Variants in ZNF107 observed in about 807,000 individuals in gnomAD.
ZNF107 encodes the protein C2H2 type zinc-finger protein.
A neutral mutation model predicts 12.3 loss-of-function variants in ZNF107; 19 were observed. That is an observed-to-expected ratio of 1.55 (90% CI 1.08 to 2.27). The LOEUF is 2.27. Ranked by LOEUF, ZNF107 falls within the 30% of genes most tolerant of loss-of-function variation. The pLI is 0.00. For missense variants in ZNF107, 958 were observed against 979.9 expected (o/e 0.98, Z 0.30); for synonymous variants, 317 against 330.5 (o/e 0.96, Z 0.44).
intron 1 of ZNF107, chr7:64,686,679 A>G: frequency 1.0e-6 from 1 of 975,740 alleles, no homozygotes. Context: ...AAAACCTGCA[A>G]CAACCAAAAA....
At chr7:64,693,120 T>C (rs1194627443) in intron 3 of ZNF107, among the ~76,000 whole-genome samples, 1 of 151,130 alleles carries the variant, frequency 6.6e-6, no homozygotes, top group Non-Finnish European at 1.5e-5. Context: ...TGCCTCAGCC[T>C]CCTGAGTAGC....
In ZNF107 at chr7:64,707,026, A is replaced by C; in HGVS notation, c.929A>C (p.Glu310Ala). The change falls in exon 4 of 4, where the codon GAG (glutamate) becomes GCG (alanine). Residue 310 changes from glutamate to alanine, a missense_variant. Physicochemically the swap from Glu to Ala is moderately radical, Grantham distance 107. Transcript: ENST00000620827. The stretch of plus-strand genomic sequence containing the variant: ...ACACAAAAGATACTTCACACTGGAG[A>C]GAACCTCTACAAGTGTAAAGAATGT... ...LTTQKILHTG[E>A]NLYKCKECGK... 1.9e-6 allele frequency: 3 copies of C among 1,613,294 alleles called. No individual in the cohort carries two copies. Among genetic ancestry groups the C allele is most frequent in the Non-Finnish European group, 2.5e-6 (3 of 1,179,718 alleles).
rs1319383484 is a variant in ZNF107, at chr7:64,666,151, A to G, written c.-132A>G. On this transcript the variant is annotated 5_prime_UTR_variant, in exon 1 of 4. Coordinates refer to ENST00000620827, the MANE Select transcript of ZNF107 (RefSeq NM_001282359.2). ...TGGCGGGGCCTTTGTCTCTGGCTGC[A>G]GCCGGAGCTCCTGCTCTCCTCCTCA... 5 of 1,268,044 alleles carry G rather than the reference A, an allele frequency of 3.9e-6. No homozygotes were observed. Among genetic ancestry groups the G allele is most frequent in the Non-Finnish European group, 4.5e-6 (4 of 891,602 alleles). The allele number at this position is 1,268,044 out of a possible 1,614,324, so 78.5% of individuals were successfully genotyped here.
intron 3 of ZNF107, among the ~76,000 whole-genome samples, chr7:64,694,804 T>C (rs993529343): frequency 1.3e-5 from 2 of 152,314 alleles, no homozygotes; most frequent in East Asian, 1.9e-4. Flanking sequence ...TATTTTCTAC[T>C]TCAAATTTGT....
At chr7:64,691,215 C>T in intron 1 of ZNF107, 33 bp from the exon 2 acceptor site, 1 of 1,416,886 alleles carries the variant, frequency 7.1e-7, no homozygotes, top group Non-Finnish European at 9.3e-7. Flanking sequence ...CTTATGGCTG[C>T]TTGGTAAATG....
intron 1 of ZNF107, among the ~76,000 whole-genome samples, chr7:64,671,083 A>C (rs1584460733): frequency 6.6e-6 from 1 of 152,114 alleles, no homozygotes; most frequent in South Asian, 2.1e-4. Context: ...GTGCCAAAAG[A>C]AAGATATCAC....
chr7:64,669,662 C>T (rs1214657134), intron 1 of ZNF107, among the ~76,000 whole-genome samples: 2 of 151,968 alleles, frequency 1.3e-5, no homozygotes, highest in Admixed American at 6.6e-5. Context: ...GTGACAGGCA[C>T]CTGTAGTCTT....
intron 3 of ZNF107, among the ~76,000 whole-genome samples, chr7:64,693,037 C>T (rs935305003): frequency 3.3e-5 from 5 of 151,810 alleles, no homozygotes; most frequent in South Asian, 2.1e-4. Context: ...CTTGCTCTGT[C>T]GCCCAGGCTG....
chr7:64,708,105 A>G lies in ZNF107; in HGVS notation c.2008A>G (p.Ile670Val). The change falls in exon 4 of 4, where the codon ATT becomes GTT. Residue 670 changes from isoleucine (I) to valine (V), a missense_variant. Ile to Val is a conservative substitution (Grantham distance 29). Coordinates refer to ENST00000620827, the MANE Select transcript of ZNF107 (RefSeq NM_001282359.2). ...LFSNITNHKI[I>V]YTGEKPHKCE... ...CTCAAACATTACTAACCATAAGATA[A>G]TTTATACTGGAGAGAAACCCCACAA... 1 of 1,613,070 alleles carries G rather than the reference A, an allele frequency of 6.2e-7. No homozygotes were observed. Among genetic ancestry groups the G allele is most frequent in the Non-Finnish European group, 8.5e-7 (1 of 1,179,650 alleles).
Position 64,710,987 on chromosome 7 carries a change from AT to A in ZNF107, c.*2334del, listed in dbSNP as rs1270295659. 2 of 152,146 alleles carry A rather than the reference AT, an allele frequency of 1.3e-5. No individual in the cohort carries two copies. Among genetic ancestry groups the A allele is most frequent in the Admixed American group, 6.5e-5 (1 of 15,274 alleles). 9.4% of individuals were successfully genotyped at this position (152,146 alleles called of 1,614,324 possible). ...TGAATTAGTAGTATATCATTTTACT[AT>A]TTGTACTTTTATGTAATAAAATGCA... On this transcript the variant is annotated 3_prime_UTR_variant, in exon 4 of 4. Transcript: ENST00000620827.
chr7:64,672,655 G>A (rs1286982491), intron 1 of ZNF107, among the ~76,000 whole-genome samples: 1 of 152,196 alleles, frequency 6.6e-6, no homozygotes, highest in Non-Finnish European at 1.5e-5. Flanking sequence ...GAGCCACCGT[G>A]CCCTACCATA....
chr7:64,668,545 C>T (rs1052268241), intron 1 of ZNF107, among the ~76,000 whole-genome samples: 1 of 151,988 alleles, frequency 6.6e-6, no homozygotes, highest in Non-Finnish European at 1.5e-5. Flanking sequence ...AAGATTTGTT[C>T]ACTTATTTTG....
At chr7:64,675,177 A>G (rs1789373344) in intron 1 of ZNF107, among the ~76,000 whole-genome samples, 1 of 152,172 alleles carries the variant, frequency 6.6e-6, no homozygotes, top group African/African-American at 2.4e-5. Context: ...AAGAAATGGT[A>G]CCGGCTCTTC....
intron 1 of ZNF107, among the ~76,000 whole-genome samples, chr7:64,668,462 C>A (rs962976070): frequency 4.0e-5 from 6 of 150,924 alleles, no homozygotes; most frequent in Non-Finnish European, 5.9e-5. Flanking sequence ...CATGTCCCTG[C>A]AAAGGCCATG....
intron 1 of ZNF107, among the ~76,000 whole-genome samples, chr7:64,671,877 GT>G (rs1468134139): frequency 6.6e-6 from 1 of 150,918 alleles, no homozygotes; most frequent in African/African-American, 2.4e-5. Context: ...TGCCTCCCGG[GT>G]TCAGGCCATT....
Position 64,708,941 on chromosome 7 carries a change from T to G in ZNF107, c.*285T>G. ...CAACTTTTACTAAACATAAGGTAAT[T>G]CATACTGGAGAAAAGCCATACAAAT... On this transcript the variant is annotated 3_prime_UTR_variant, in exon 4 of 4. Transcript: ENST00000620827. The G allele has an allele frequency of 1.9e-6, 1 of 521,498 alleles. No individual in the cohort carries two copies. The highest frequency in any genetic ancestry group is 3.5e-6 in the Non-Finnish European group (1 of 284,994). The allele number at this position is 521,498 out of a possible 1,614,324, so 32.3% of individuals were successfully genotyped here.
intron 1 of ZNF107, chr7:64,684,857 T>A: frequency 2.5e-6 from 1 of 404,486 alleles, no homozygotes; most frequent in Non-Finnish European, 3.3e-6. Context: ...CCACTTCCAG[T>A]AATGCCTAAT....
chr7:64,698,583 A>G (rs1448036706), intron 3 of ZNF107, among the ~76,000 whole-genome samples: 3 of 151,854 alleles, frequency 2.0e-5, no homozygotes, highest in Non-Finnish European at 4.4e-5. Context: ...CACCATGCCC[A>G]GATAATTTTG....
chr7:64,708,060 G>T lies in ZNF107; in HGVS notation c.1963G>T (p.Gly655Ter). The change falls in exon 4 of 4, where the codon GGA becomes TGA. Residue 655 changes from glycine (G) to a stop codon, truncating the protein, a stop_gained. Coordinates refer to ENST00000620827, the MANE Select transcript of ZNF107 (RefSeq NM_001282359.2). LOFTEE classifies it low-confidence loss of function (END_TRUNC). Reference sequence around the variant, plus strand: ...GAACCTCTACAAATTTGAAGAACATGGAAAAGCTTTTAACCTATTCTCAAA... The same window carrying T: ...GAACCTCTACAAATTTGAAGAACATTGAAAAGCTTTTAACCTATTCTCAAA... ...GENLYKFEEH[G>*]KAFNLFSNIT... 6.2e-7 allele frequency: 1 copy of T among 1,613,344 alleles called. No homozygotes were observed. The highest frequency in any genetic ancestry group is 1.1e-5 in the South Asian group (1 of 91,018).
Sources: allele counts gnomAD v4.1 joint callset (sites outside exome capture counted in the v4.1 genomes callset), GRCh38; gene constraint gnomAD v4.1.1; transcripts MANE v1.5; gene names NCBI Gene and HGNC (gene_info 2026-07-23, HGNC 2026-07-21).